Variants in KDM4C observed in about 807,000 individuals in gnomAD.
The protein encoded by KDM4C is lysine demethylase 4C.
Under a neutral mutation model 129.3 loss-of-function variants are expected in KDM4C, and 81 were observed. The observed-to-expected ratio is 0.63, with a 90% CI of 0.52 to 0.75. The LOEUF is 0.75. KDM4C is among the 30% of genes least tolerant of loss of function. The pLI is 0.00. For synonymous variants in KDM4C, 573 were observed against 456.1 expected (o/e 1.26, Z -3.26); for missense variants, 1,457 against 1,304.0 (o/e 1.12, Z -1.81).
chr9:6,975,323 C>G (rs1213158854), intron 8 of KDM4C, among the ~76,000 whole-genome samples: 2 of 152,148 alleles, frequency 1.3e-5, no homozygotes, highest in Non-Finnish European at 2.9e-5. Flanking sequence ...CATTTATTTG[C>G]AGCTACAATT....
At chr9:6,950,507 AGTT>A (rs1827942565) in intron 8 of KDM4C, among the ~76,000 whole-genome samples, 3 of 152,208 alleles carry the variant, frequency 2.0e-5, no homozygotes, top group Admixed American at 2.0e-4. Context: ...TGTACTGGAC[AGTT>A]GTTAATATGG....
chr9:7,084,529 T>C (rs1544055), intron 17 of KDM4C, among the ~76,000 whole-genome samples: 119,874 of 152,176 alleles, frequency 0.79, 47,634 homozygotes, highest in African/African-American at 0.88. Context: ...TGATTATGGC[T>C]TTGTGTAGGT....
At chr9:6,890,046 T>C (rs1434020905) in intron 7 of KDM4C, among the ~76,000 whole-genome samples, 1 of 152,154 alleles carries the variant, frequency 6.6e-6, no homozygotes, top group Non-Finnish European at 1.5e-5. Context: ...ACTTTGAGGG[T>C]TGATTGGCAG....
At chr9:7,022,195 C>G (rs1006800956) in intron 15 of KDM4C, among the ~76,000 whole-genome samples, 1 of 151,890 alleles carries the variant, frequency 6.6e-6, no homozygotes, top group African/African-American at 2.4e-5. Flanking sequence ...TGAAGAATGT[C>G]TTTAGTATTT....
chr9:6,916,004 C>T (rs150849640), intron 8 of KDM4C, among the ~76,000 whole-genome samples: 1 of 152,218 alleles, frequency 6.6e-6, no homozygotes, highest in African/African-American at 2.4e-5. Flanking sequence ...TTAATTCCAA[C>T]ATGGCATGAA....
chr9:7,093,475 G>T (rs944498913), intron 17 of KDM4C, among the ~76,000 whole-genome samples: 2 of 152,028 alleles, frequency 1.3e-5, no homozygotes, highest in African/African-American at 4.8e-5. Flanking sequence ...TTTTATCTCT[G>T]TTCACATGTG....
intron 1 of KDM4C, among the ~76,000 whole-genome samples, chr9:6,722,634 C>T (rs1816993150): frequency 6.6e-6 from 1 of 151,886 alleles, no homozygotes; most frequent in South Asian, 2.1e-4. Flanking sequence ...CTGCCTCAGG[C>T]TCCCGAGTAG....
intron 5 of KDM4C, among the ~76,000 whole-genome samples, chr9:6,857,054 T>G (rs1211121163): frequency 6.6e-6 from 1 of 152,196 alleles, no homozygotes; most frequent in South Asian, 2.1e-4. Context: ...GATCTTCCTA[T>G]GTTGAGCCTT....
At chr9:6,932,556 C>T (rs949342631) in intron 8 of KDM4C, among the ~76,000 whole-genome samples, 6 of 152,162 alleles carry the variant, frequency 3.9e-5, no homozygotes, top group African/African-American at 1.4e-4. Flanking sequence ...AGCCACTATT[C>T]AAACCTTTTC....
chr9:6,950,467 G>A lies in KDM4C; in HGVS notation c.922-30458G>A, dbSNP rs1827933265. ...CCATACAGATTTTAGAGTGTTGATAGATTTGAGGGGAAGTATTTATGTGAA... is the reference window on the plus strand; with the variant it reads ...CCATACAGATTTTAGAGTGTTGATAAATTTGAGGGGAAGTATTTATGTGAA... On this transcript the variant is annotated intron_variant, in intron 8 of 21. Transcript: ENST00000381309. 1.3e-5 allele frequency among the ~76,000 whole-genome samples: 2 copies of A among 152,154 alleles called. 1 individual carries two copies. Among genetic ancestry groups the A allele is most frequent in the Non-Finnish European group, 2.9e-5 (2 of 68,018 alleles).
chr9:6,791,123 T>A (rs186325976), intron 1 of KDM4C, among the ~76,000 whole-genome samples: 2 of 152,240 alleles, frequency 1.3e-5, no homozygotes, highest in Admixed American at 1.3e-4. Context: ...CAGGTGGAGT[T>A]AGTTACTTCT....
intron 1 of KDM4C, among the ~76,000 whole-genome samples, chr9:6,791,988 C>T (rs1309607585): frequency 6.6e-6 from 1 of 152,118 alleles, no homozygotes; most frequent in African/African-American, 2.4e-5. Flanking sequence ...CGCCATTTCA[C>T]TCCAGCCTGG....
chr9:6,834,088 G>A (rs1293715300), intron 4 of KDM4C, among the ~76,000 whole-genome samples: 1 of 131,954 alleles, frequency 7.6e-6, no homozygotes, highest in South Asian at 2.4e-4. Flanking sequence ...ACCTAGGCTG[G>A]GGTGCAGTGA....
chr9:7,073,323 G>A (rs951708655), intron 17 of KDM4C, among the ~76,000 whole-genome samples: 1 of 152,164 alleles, frequency 6.6e-6, no homozygotes, highest in African/African-American at 2.4e-5. Flanking sequence ...AGATATATGC[G>A]ATGTTAGCAC....
intron 17 of KDM4C, among the ~76,000 whole-genome samples, chr9:7,077,808 A>G (rs1004598331): frequency 2.6e-5 from 4 of 152,224 alleles, no homozygotes; most frequent in Non-Finnish European, 5.9e-5. Flanking sequence ...CTACAGAGAA[A>G]GATGTCTATC....
At chr9:6,771,332 GAC>G (rs1821798468) in intron 1 of KDM4C, among the ~76,000 whole-genome samples, 1 of 151,684 alleles carries the variant, frequency 6.6e-6, no homozygotes, top group Admixed American at 6.6e-5. Flanking sequence ...TATTTTTTGA[GAC>G]AGAGTCTTGC....
chr9:6,841,676 A>G (rs1398352854), intron 4 of KDM4C, among the ~76,000 whole-genome samples: 3 of 152,200 alleles, frequency 2.0e-5, no homozygotes, highest in African/African-American at 7.2e-5. Flanking sequence ...CTGCTTCCAC[A>G]GTCTCCGTGT....
At chr9:6,983,249 A>G (rs754322180) in intron 9 of KDM4C, among the ~76,000 whole-genome samples, 2 of 152,176 alleles carry the variant, frequency 1.3e-5, no homozygotes, top group African/African-American at 2.4e-5. Context: ...TTGTGTGTGT[A>G]TAATACATAT....
intron 4 of KDM4C, among the ~76,000 whole-genome samples, chr9:6,822,012 A>G (rs898677018): frequency 2.0e-5 from 3 of 152,208 alleles, no homozygotes; most frequent in African/African-American, 7.2e-5. Flanking sequence ...CACCATGGAC[A>G]GTAACCTATG....
Sources: allele counts gnomAD v4.1 joint callset (sites outside exome capture counted in the v4.1 genomes callset), GRCh38; gene constraint gnomAD v4.1.1; transcripts MANE v1.5; gene names NCBI Gene and HGNC (gene_info 2026-07-23, HGNC 2026-07-21).